FRMPD4: variants seen among roughly 807,000 people sequenced by gnomAD.
FRMPD4 encodes FERM and PDZ domain-containing protein 4.
Under a neutral mutation model 94.1 loss-of-function variants are expected in FRMPD4, and 22 were observed. The observed-to-expected ratio is 0.23, with a 90% CI of 0.17 to 0.33. FRMPD4 has a LOEUF of 0.33. Ranked by LOEUF, FRMPD4 falls within the 10% of genes least tolerant of loss-of-function variation. The pLI is 1.00. For missense variants in FRMPD4, 1,111 were observed against 1,339.9 expected, an observed-to-expected ratio of 0.83 and a Z score of 2.67; for synonymous variants, 631 against 548.6, an observed-to-expected ratio of 1.15 and a Z score of -2.10.
At chrX:11,823,733 G>C (rs1320716995) in intron 1 of FRMPD4, among the ~76,000 whole-genome samples, 8 of 111,702 alleles carry the variant, frequency 7.2e-5, no homozygotes, top group Non-Finnish European at 1.9e-5. Flanking sequence ...ACTAAAATCA[G>C]AATTGAATAT....
chrX:12,248,678 G>A (rs1228081697), intron 1 of FRMPD4, among the ~76,000 whole-genome samples: 2 of 112,026 alleles, frequency 1.8e-5, no homozygotes, highest in Non-Finnish European at 1.9e-5. Flanking sequence ...TCTAATGCTC[G>A]GTCATAACCC....
At chrX:12,412,977 T>TAA (rs201136609) in intron 1 of FRMPD4, among the ~76,000 whole-genome samples, 6 of 102,776 alleles carry the variant, frequency 5.8e-5, no homozygotes, top group African/African-American at 2.1e-4. Context: ...ATAGTCATAG[T>TAA]AAAAAAAAAA....
intron 3 of FRMPD4, among the ~76,000 whole-genome samples, chrX:12,071,274 T>C (rs188190964): frequency 9.1e-6 from 1 of 110,208 alleles, no homozygotes; most frequent in East Asian, 2.9e-4. Context: ...TCTTGCACCT[T>C]TCCTACCTCC....
chrX:12,068,393 A>G (rs2054939424), intron 3 of FRMPD4, among the ~76,000 whole-genome samples: 1 of 112,093 alleles, frequency 8.9e-6, no homozygotes, highest in Admixed American at 9.5e-5. Context: ...TTTTCAAATG[A>G]AAGCTACTTT....
intron 16 of FRMPD4, 103 bp from the exon 17 acceptor site, chrX:12,720,431 T>C: frequency 1.1e-6 from 1 of 911,148 alleles, no homozygotes; most frequent in Non-Finnish European, 1.6e-6. Flanking sequence ...CCTTCCAGAC[T>C]ACAACCTTGA....
rs370154666 is a variant in FRMPD4, at chrX:12,263,578, G to A, written c.41+124566G>A. Among the ~76,000 whole-genome samples the A allele has an allele frequency of 6.1e-4, 68 of 111,161 alleles. No homozygotes were observed. In the East Asian group the frequency reaches 0.016, roughly 26 times the overall value. ...TGTTTTAAGAATAGAGAAGGGAAGC[G>A]GCAGGGAAACTACTTGGAAGCTACC... On this transcript the variant is annotated intron_variant, in intron 1 of 16. Transcript: ENST00000675598.
intron 1 of FRMPD4, among the ~76,000 whole-genome samples, chrX:12,434,471 A>G (rs1439760628): frequency 8.9e-6 from 1 of 112,141 alleles, no homozygotes; most frequent in Non-Finnish European, 1.9e-5. Flanking sequence ...TGTGCCAGAA[A>G]ACATCAAAGG....
At chrX:12,713,896 A>G (rs2042033798) in intron 14 of FRMPD4, among the ~76,000 whole-genome samples, 1 of 112,050 alleles carries the variant, frequency 8.9e-6, no homozygotes, top group Admixed American at 9.4e-5. Context: ...AATAAGAAAC[A>G]GCCCCCATTT....
At chrX:12,195,906 T>A (rs904694485) in intron 1 of FRMPD4, among the ~76,000 whole-genome samples, 2 of 112,006 alleles carry the variant, frequency 1.8e-5, no homozygotes, top group African/African-American at 3.2e-5. Flanking sequence ...TCCATGTTTT[T>A]CTGGCACCTG....
chrX:12,011,906 ATT>A (rs370370680), intron 3 of FRMPD4, among the ~76,000 whole-genome samples: 6 of 99,019 alleles, frequency 6.1e-5, no homozygotes, highest in Non-Finnish European at 4.1e-5. Context: ...TACGATCTGA[ATT>A]TTTTTTTTTT....
chrX:12,140,242 G>A (rs1198408750), intron 1 of FRMPD4, among the ~76,000 whole-genome samples: 1 of 112,082 alleles, frequency 8.9e-6, no homozygotes, highest in African/African-American at 3.3e-5. Flanking sequence ...AGGCAGAAAG[G>A]CCCAGTGCAG....
intron 2 of FRMPD4, among the ~76,000 whole-genome samples, chrX:12,557,599 C>G (rs991196840): frequency 1.8e-5 from 2 of 112,327 alleles, no homozygotes; most frequent in Admixed American, 1.9e-4. Context: ...TGAACTATCC[C>G]CATTGGAATA....
At chrX:12,175,281 AT>A in intron 1 of FRMPD4, among the ~76,000 whole-genome samples, 1 of 112,032 alleles carries the variant, frequency 8.9e-6, no homozygotes. Flanking sequence ...AATCTCTAGT[AT>A]TTAGGTCTTG....
chrX:12,499,339 A>G lies in FRMPD4; in HGVS notation c.158+543A>G, dbSNP rs143434611. On this transcript the variant is annotated intron_variant, in intron 2 of 16. Coordinates refer to ENST00000675598, the MANE Select transcript of FRMPD4 (RefSeq NM_001368397.1). ...GCTCTGGTTTTTTGTTAATTGTGGT[A>G]TAGAGAGAGAGAGAAAAAGAGAGAA... Among the ~76,000 whole-genome samples the G allele has an allele frequency of 3.4e-3, 379 of 112,214 alleles. 1 individual carries two copies. Among genetic ancestry groups the G allele is most frequent in the African/African-American group, 0.011 (353 of 30,945 alleles).
chrX:12,520,214 G>C (rs2058146641), intron 2 of FRMPD4, among the ~76,000 whole-genome samples: 1 of 111,763 alleles, frequency 8.9e-6, no homozygotes, highest in African/African-American at 3.3e-5. Context: ...TGGAAATACT[G>C]TTATATGCTA....
At chrX:12,528,260 C>T (rs1047094990) in intron 2 of FRMPD4, among the ~76,000 whole-genome samples, 1 of 108,869 alleles carries the variant, frequency 9.2e-6, no homozygotes, top group African/African-American at 3.3e-5. Flanking sequence ...GTTGGCAGAG[C>T]TAACATATCT....
intron 3 of FRMPD4, among the ~76,000 whole-genome samples, chrX:12,119,402 GTCA>G (rs1463268551): frequency 8.9e-6 from 1 of 112,138 alleles, no homozygotes; most frequent in African/African-American, 3.2e-5. Context: ...TGACTGATAT[GTCA>G]TCAATATGAA....
intron 2 of FRMPD4, among the ~76,000 whole-genome samples, chrX:12,597,658 C>G (rs1202729694): frequency 8.9e-6 from 1 of 112,363 alleles, no homozygotes; most frequent in Non-Finnish European, 1.9e-5. Flanking sequence ...TTTAAGAACT[C>G]CATTAACCTT....
chrX:12,438,397 CTAGATTCA>C (rs2057094078), intron 1 of FRMPD4, among the ~76,000 whole-genome samples: 2 of 108,368 alleles, frequency 1.8e-5, no homozygotes, highest in South Asian at 8.1e-4. Flanking sequence ...TTGGGCAATA[CTAGATTCA>C]TAGTGTTATA....
Sources: gnomAD v4.1 joint callset for allele counts (sites outside exome capture counted in the v4.1 genomes callset) on GRCh38, gnomAD v4.1.1 for gene constraint, MANE v1.5 for transcripts, NCBI Gene and HGNC (gene_info 2026-07-23, HGNC 2026-07-21) for gene names.